The following RSRC1 variants were observed in gnomAD, a reference collection of about 807,000 sequenced individuals.
RSRC1 encodes the protein arginine and serine rich coiled-coil 1.
RSRC1 carries 39 observed loss-of-function variants against 49.1 expected under a neutral mutation model. The ratio of observed to expected loss-of-function variants is 0.79; its 90% CI spans 0.61 to 1.04. The LOEUF (loss-of-function observed/expected upper bound fraction) is 1.04. Among genes scored for constraint, RSRC1 ranks in the 50% least tolerant of loss-of-function variants. The pLI, the probability that RSRC1 is intolerant of heterozygous loss-of-function variation, is 0.00. For synonymous variants in RSRC1, 143 were observed against 130.8 expected (o/e 1.09, Z -0.63); for missense variants, 388 against 402.4 (o/e 0.96, Z 0.31).
intron 7 of RSRC1, among the ~76,000 whole-genome samples, chr3:158,494,660 C>A (rs893500765): frequency 6.6e-6 from 1 of 151,936 alleles, no homozygotes; most frequent in African/African-American, 2.4e-5. Flanking sequence ...TTTCTTATAC[C>A]TTTATTCTTT....
chr3:158,390,101 A>G (rs954608451), intron 6 of RSRC1, among the ~76,000 whole-genome samples: 40 of 152,316 alleles, frequency 2.6e-4, no homozygotes, highest in African/African-American at 9.4e-4. Flanking sequence ...AATTTCAGGA[A>G]CTATGACCAG....
chr3:158,183,192 A>G (rs1181519321), intron 3 of RSRC1, among the ~76,000 whole-genome samples: 1 of 152,156 alleles, frequency 6.6e-6, no homozygotes, highest in African/African-American at 2.4e-5. Context: ...ATCCATAAGG[A>G]AAACTCCAGG....
intron 6 of RSRC1, among the ~76,000 whole-genome samples, chr3:158,364,783 C>A (rs569593346): frequency 6.7e-6 from 1 of 149,492 alleles, no homozygotes; most frequent in African/African-American, 2.4e-5. Flanking sequence ...TTAAAACCTG[C>A]TGAGCTTCAG....
chr3:158,270,892 T>A (rs2108054539), intron 4 of RSRC1, among the ~76,000 whole-genome samples: 1 of 152,254 alleles, frequency 6.6e-6, no homozygotes, highest in African/African-American at 2.4e-5. Flanking sequence ...TTTTTACAAT[T>A]TATTTTAAGA....
At chr3:158,243,176 T>C (rs1035951998) in intron 4 of RSRC1, among the ~76,000 whole-genome samples, 5 of 152,228 alleles carry the variant, frequency 3.3e-5, no homozygotes, top group Non-Finnish European at 7.3e-5. Context: ...GTTTTTATAG[T>C]TTCGGGTTTT....
chr3:158,345,881 T>A (rs1376559277), intron 5 of RSRC1, among the ~76,000 whole-genome samples: 1 of 149,574 alleles, frequency 6.7e-6, no homozygotes, highest in African/African-American at 2.4e-5. Context: ...GTAAATTGAT[T>A]TTTGAGAAAA....
chr3:158,455,253 G>A (rs1737247460), intron 6 of RSRC1, among the ~76,000 whole-genome samples: 1 of 152,046 alleles, frequency 6.6e-6, no homozygotes, highest in South Asian at 2.1e-4. Context: ...TCATGGTGAT[G>A]CAGTATCAAA....
chr3:158,166,305 T>C (rs1718532059), intron 3 of RSRC1, among the ~76,000 whole-genome samples: 1 of 152,180 alleles, frequency 6.6e-6, no homozygotes, highest in Non-Finnish European at 1.5e-5. Context: ...TTTAATCATA[T>C]GATATCAGAT....
intron 6 of RSRC1, among the ~76,000 whole-genome samples, chr3:158,373,911 G>T (rs1408263967): frequency 6.6e-6 from 1 of 152,052 alleles, no homozygotes; most frequent in African/African-American, 2.4e-5. Flanking sequence ...TTTGCTCACA[G>T]AAAATGGAGA....
intron 5 of RSRC1, among the ~76,000 whole-genome samples, chr3:158,344,803 C>G (rs1292529827): frequency 6.6e-6 from 1 of 152,054 alleles, no homozygotes; most frequent in African/African-American, 2.4e-5. Context: ...GACATTAATA[C>G]TAAGGAAGCT....
At chr3:158,436,916 A>G (rs1377490018) in intron 6 of RSRC1, among the ~76,000 whole-genome samples, 1 of 151,982 alleles carries the variant, frequency 6.6e-6, no homozygotes, top group Non-Finnish European at 1.5e-5. Context: ...AGATTAAGAT[A>G]CTTGTTGCAG....
At chr3:158,391,170 C>T (rs1049313681) in intron 6 of RSRC1, among the ~76,000 whole-genome samples, 3 of 152,158 alleles carry the variant, frequency 2.0e-5, no homozygotes, top group East Asian at 3.8e-4. Flanking sequence ...TCCACACCCC[C>T]ACCCTGGGGT....
chr3:158,460,370 C>T (rs1159786340), intron 6 of RSRC1, among the ~76,000 whole-genome samples: 1 of 151,776 alleles, frequency 6.6e-6, no homozygotes, highest in Non-Finnish European at 1.5e-5. Flanking sequence ...TGTTTGAAAA[C>T]CCCTGCAGTT....
chr3:158,397,805 T>A (rs1464604573), intron 6 of RSRC1, among the ~76,000 whole-genome samples: 2 of 152,112 alleles, frequency 1.3e-5, no homozygotes, highest in Admixed American at 1.3e-4. Context: ...GCTCTTTCCA[T>A]GGCTGACTTA....
intron 4 of RSRC1, among the ~76,000 whole-genome samples, chr3:158,237,047 A>AC (rs1347054116): frequency 1.3e-5 from 2 of 152,194 alleles, no homozygotes; most frequent in African/African-American, 4.8e-5. Context: ...TATTCTTGAA[A>AC]CAACATTATG....
chr3:158,454,562 AAAAT>A (rs2108395278), intron 6 of RSRC1, among the ~76,000 whole-genome samples: 1 of 152,212 alleles, frequency 6.6e-6, no homozygotes, highest in East Asian at 1.9e-4. Context: ...TTTGATGGTC[AAAAT>A]TTAGTTACCA....
chr3:158,372,300 T>C (rs1435359131), intron 6 of RSRC1, among the ~76,000 whole-genome samples: 1 of 151,958 alleles, frequency 6.6e-6, no homozygotes, highest in Non-Finnish European at 1.5e-5. Flanking sequence ...TAGTTTACTT[T>C]CTATGACCCA....
intron 6 of RSRC1, among the ~76,000 whole-genome samples, chr3:158,447,998 A>G (rs1736811741): frequency 6.6e-6 from 1 of 151,908 alleles, no homozygotes; most frequent in Non-Finnish European, 1.5e-5. Flanking sequence ...AATAAGCATT[A>G]TAAATCATTT....
chr3:158,366,423 T>C (rs1222701224), intron 6 of RSRC1, among the ~76,000 whole-genome samples: 2 of 152,246 alleles, frequency 1.3e-5, no homozygotes, highest in African/African-American at 4.8e-5. Context: ...CCATTTCTTG[T>C]TTTTGTCAGG....
Sources: gnomAD v4.1 joint callset for allele counts (sites outside exome capture counted in the v4.1 genomes callset) on GRCh38, gnomAD v4.1.1 for gene constraint, MANE v1.5 for transcripts, NCBI Gene and HGNC (gene_info 2026-07-23, HGNC 2026-07-21) for gene names.